ANK1: variants seen among roughly 807,000 people sequenced by gnomAD.
ANK1 encodes the protein ankyrin 1.
In ANK1, 51 loss-of-function variants were observed where a neutral mutation model predicts 210.4. The ratio of observed to expected loss-of-function variants is 0.24; its 90% CI spans 0.19 to 0.31. ANK1 has a LOEUF of 0.31. ANK1 is among the 10% of genes least tolerant of loss of function. The probability of loss-of-function intolerance (pLI) is 1.00; values close to 1 mark genes in which losing one functional copy is unlikely to be tolerated. For missense variants in ANK1, 2,051 were observed against 2,504.4 expected (o/e 0.82, Z 3.86); for synonymous variants, 967 against 1,025.9 (o/e 0.94, Z 1.10).
intron 3 of ANK1, among the ~76,000 whole-genome samples, chr8:41,728,913 C>A (rs574879306): frequency 6.6e-6 from 1 of 152,320 alleles, no homozygotes. Flanking sequence ...CTCCGCTCAG[C>A]CTGCAATTCT....
In ANK1 at chr8:41,704,317, C is replaced by A. The variant is rs761575767; in HGVS notation, c.2196+57G>T. The stretch of plus-strand genomic sequence containing the variant: ...GCTCCCAGAGCAGCTCTGGCTTTAC[C>A]CTGATGTGGCATGGAGAAGGGTCAG... On this transcript the variant is annotated intron_variant, in intron 19 of 42. Coordinates refer to ENST00000289734, the MANE Select transcript of ANK1 (RefSeq NM_000037.4). This position sits in a 1 kb window ranked among gnomAD's most constrained non-coding sequence, Gnocchi z 4.1. 234 of 1,545,940 alleles carry A rather than the reference C, an allele frequency of 1.5e-4. No homozygotes were observed. The highest frequency in any genetic ancestry group is 1.9e-4 in the Non-Finnish European group (213 of 1,118,674).
At chr8:41,715,939 A>G (rs1250126845) in intron 13 of ANK1, 90 bp from the exon 14 acceptor site, 4 of 1,490,938 alleles carry the variant, frequency 2.7e-6, no homozygotes, top group Non-Finnish European at 2.8e-6. Context: ...CAGGGCCCAG[A>G]GAGGGCAAGT....
intron 1 of ANK1, among the ~76,000 whole-genome samples, chr8:41,821,335 G>T (rs1804226520): frequency 6.6e-6 from 1 of 152,134 alleles, no homozygotes; most frequent in Admixed American, 6.5e-5. Context: ...TGGTCTATTT[G>T]TTTATATCAC....
At position 41,823,365 on chromosome 8, in the gene ANK1, G is replaced by A. The variant is rs191384284; in HGVS notation, c.127-65228C>T. On this transcript the variant is annotated intron_variant, in intron 1 of 42. Coordinates refer to the ANK1 transcript ENST00000265709. ...ATATTTACTCAACTTTCCACCCTCC[G>A]CTTTTTCTCCAGTGAAGTAATCTTT... Among the ~76,000 whole-genome samples, 249 of 152,254 alleles carry A rather than the reference G, an allele frequency of 1.6e-3. 2 individuals are homozygous for A. Among genetic ancestry groups the A allele is most frequent in the Middle Eastern group, 6.8e-3 (2 of 294 alleles).
chr8:41,772,614 C>T (rs1843159002), intron 1 of ANK1, among the ~76,000 whole-genome samples: 1 of 152,244 alleles, frequency 6.6e-6, no homozygotes, highest in Admixed American at 6.5e-5. Context: ...CTACCCTGCA[C>T]CCAGACCTCT....
intron 1 of ANK1, among the ~76,000 whole-genome samples, chr8:41,889,026 A>G (rs1335850259): frequency 6.6e-6 from 1 of 152,196 alleles, no homozygotes; most frequent in Non-Finnish European, 1.5e-5. Flanking sequence ...TTTTTTGTGG[A>G]GACTGGGTCT....
At chr8:41,778,449 T>C (rs1383039338) in intron 1 of ANK1, among the ~76,000 whole-genome samples, 1 of 152,214 alleles carries the variant, frequency 6.6e-6, no homozygotes, top group Non-Finnish European at 1.5e-5. Flanking sequence ...TGCCAGGTTT[T>C]AGGAAGTTGT....
rs145299478 is a variant in ANK1, at chr8:41,848,337, G to A, written c.126+48018C>T. Among the ~76,000 whole-genome samples, 937 of 152,252 alleles carry A rather than the reference G, an allele frequency of 6.2e-3. 9 individuals are homozygous for A. The highest frequency in any genetic ancestry group is 0.021 in the African/African-American group (853 of 41,532). On this transcript the variant is annotated intron_variant, in intron 1 of 42. Coordinates refer to the ANK1 transcript ENST00000265709. ...TCACACAGCTTCCCAACTTTCCACC[G>A]TAGAGTAAGTAATCCCTTTGGACTC...
chr8:41,723,890 C>T (rs982999913), intron 7 of ANK1, among the ~76,000 whole-genome samples: 4 of 151,098 alleles, frequency 2.6e-5, no homozygotes, highest in South Asian at 2.1e-4. Context: ...CCCGGGTTCA[C>T]GCCATTCTCC....
Position 41,708,768 on chromosome 8 carries a change from C to T in ANK1, c.1998+10G>A, listed in dbSNP as rs988310081. 2 of 1,613,552 alleles carry T rather than the reference C, an allele frequency of 1.2e-6. No individual in the cohort carries two copies. The highest frequency in any genetic ancestry group is 3.3e-5 in the Admixed American group (2 of 60,030). ...GCACTCCAGGGCAGATCCGAAGACA[C>T]CATGCCTACCTTGTTCCCCAGGTTG... is the stretch of plus-strand genomic sequence containing the variant. On this transcript the variant is annotated intron_variant, in intron 17 of 42. Coordinates refer to ENST00000289734, the MANE Select transcript of ANK1 (RefSeq NM_000037.4).
intron 10 of ANK1, among the ~76,000 whole-genome samples, chr8:41,719,187 T>C (rs954502361): frequency 1.3e-5 from 2 of 152,282 alleles, no homozygotes; most frequent in South Asian, 2.1e-4. Context: ...AGGGATTTGC[T>C]CTGGGCCTGA....
intron 1 of ANK1, among the ~76,000 whole-genome samples, chr8:41,794,387 G>A (rs867842763): frequency 3.3e-5 from 5 of 152,124 alleles, no homozygotes; most frequent in Non-Finnish European, 5.9e-5. Context: ...TGGCCTGGCT[G>A]TTTCCTTCAC....
At chr8:41,681,275 G>T (rs1424299209) in intron 37 of ANK1, among the ~76,000 whole-genome samples, 2 of 152,168 alleles carry the variant, frequency 1.3e-5, no homozygotes, top group Non-Finnish European at 1.5e-5. Flanking sequence ...AACTCACACG[G>T]GTGTGAGATG....
chr8:41,711,301 C>T (rs926379032), intron 16 of ANK1, among the ~76,000 whole-genome samples: 2 of 152,180 alleles, frequency 1.3e-5, no homozygotes, highest in Non-Finnish European at 2.9e-5. Context: ...CCACACAGAT[C>T]CCATCTAGGC....
At chr8:41,863,041 A>G (rs1219006130) in intron 1 of ANK1, among the ~76,000 whole-genome samples, 3 of 151,514 alleles carry the variant, frequency 2.0e-5, no homozygotes, top group African/African-American at 7.3e-5. Context: ...GTTTGACATA[A>G]AGAATTTTTT....
At position 41,884,905 on chromosome 8, in the gene ANK1, G is replaced by A. The variant is rs111573968; in HGVS notation, c.126+11450C>T. Among the ~76,000 whole-genome samples the A allele has an allele frequency of 3.7e-3, 564 of 152,246 alleles. 1 individual carries two copies. Among genetic ancestry groups the A allele is most frequent in the African/African-American group, 0.013 (544 of 41,534 alleles). On this transcript the variant is annotated intron_variant, in intron 1 of 42. Transcript: ENST00000265709. ...TCCGGAGAGGGAGCACCCTGCGCAA[G>A]GTGTGGGTCAAGGGAGCCCAGCAAA...
At chr8:41,692,990 C>A in intron 30 of ANK1, 114 bp from the exon 31 acceptor site, 3 of 1,512,702 alleles carry the variant, frequency 2.0e-6, no homozygotes, top group South Asian at 2.3e-5. Context: ...CACCTGTGGT[C>A]ACGGAGGCTT....
At chr8:41,787,999 G>A (rs1255707304) in intron 1 of ANK1, among the ~76,000 whole-genome samples, 15 of 152,194 alleles carry the variant, frequency 9.9e-5, no homozygotes, top group Non-Finnish European at 1.3e-4. Flanking sequence ...AAGCCTTAAA[G>A]TGGCTTCAGA....
intron 3 of ANK1, among the ~76,000 whole-genome samples, chr8:41,731,578 T>G (rs1010511255): frequency 6.0e-5 from 9 of 150,162 alleles, no homozygotes; most frequent in African/African-American, 2.3e-4. Context: ...ACTCTTTTTC[T>G]TCTTTTTTTT....
Sources: gnomAD v4.1 joint callset for allele counts (sites outside exome capture counted in the v4.1 genomes callset) on GRCh38, gnomAD v4.1.1 for gene constraint, Gnocchi (gnomAD v3.1) non-coding constraint, MANE v1.5 for transcripts, NCBI Gene and HGNC (gene_info 2026-07-23, HGNC 2026-07-21) for gene names.